The following FAM227B variants were observed in gnomAD, a reference collection of about 807,000 sequenced individuals.
The protein encoded by FAM227B is protein FAM227B.
In FAM227B, 88 loss-of-function variants were observed where a neutral mutation model predicts 73.8. That is an observed-to-expected ratio of 1.19 (90% CI 1.00 to 1.42). The LOEUF (loss-of-function observed/expected upper bound fraction) is 1.42, where lower values mean the gene tolerates loss of function less well. FAM227B is among the 40% of genes most tolerant of loss of function. FAM227B has a pLI of 0.00. For synonymous variants in FAM227B, 210 were observed against 190.5 expected, an observed-to-expected ratio of 1.10 and a Z score of -0.84; for missense variants, 632 against 590.9, an observed-to-expected ratio of 1.07 and a Z score of -0.72.
chr15:49,617,247 A>G lies in FAM227B; in HGVS notation c.-72-2004T>C, dbSNP rs186508453. On this transcript the variant is annotated intron_variant, in intron 1 of 15. Coordinates refer to ENST00000299338, the MANE Select transcript of FAM227B (RefSeq NM_152647.3). ...ATATTTTTAAAAAATGGAAATCCAA[A>G]CAAGTGACTAAAAATAAAATCTAGG... Among the ~76,000 whole-genome samples the G allele has an allele frequency of 5.8e-3, 890 of 152,324 alleles. 5 individuals carry two copies. The highest frequency in any genetic ancestry group is 6.9e-3 in the Non-Finnish European group (468 of 68,016).
At chr15:49,458,317 T>G (rs916810053) in intron 11 of FAM227B, among the ~76,000 whole-genome samples, 4 of 152,068 alleles carry the variant, frequency 2.6e-5, no homozygotes, top group African/African-American at 9.7e-5. Flanking sequence ...ATTTAAATAG[T>G]CATAATCCAC....
At chr15:49,590,347 A>G (rs1450683085) in intron 3 of FAM227B, among the ~76,000 whole-genome samples, 1 of 152,176 alleles carries the variant, frequency 6.6e-6, no homozygotes, top group Non-Finnish European at 1.5e-5. Flanking sequence ...ATTTAATACA[A>G]AGACTCTATT....
In FAM227B at chr15:49,587,320, G is replaced by A. The variant is rs149922152; in HGVS notation, c.405+696C>T. 2.6e-3 allele frequency among the ~76,000 whole-genome samples: 397 copies of A among 152,122 alleles called. 1 individual carries two copies. The highest frequency in any genetic ancestry group is 6.8e-3 in the Middle Eastern group (2 of 294). ...TCATAGAGGAGAACAACAGACACTG[G>A]GGCCTATTGAAGGGTGGATGGCAGG... is the stretch of plus-strand genomic sequence containing the variant. On this transcript the variant is annotated intron_variant, in intron 5 of 15. Coordinates refer to ENST00000299338, the MANE Select transcript of FAM227B (RefSeq NM_152647.3).
intron 11 of FAM227B, chr15:49,424,245 T>A: frequency 6.6e-7 from 1 of 1,515,846 alleles, no homozygotes; most frequent in Non-Finnish European, 9.1e-7. Flanking sequence ...AACAATCAAC[T>A]CAAGATTCAT....
rs200096750 is a variant in FAM227B at position 49,576,738 on chromosome 15, T to C, written c.546+3A>G. On this transcript the variant is annotated splice_donor_region_variant and intron_variant, in intron 7 of 15. Transcript: ENST00000299338. ...CCTACAATAAAATGAAATATTTACA[T>C]ACATCAAAATTATGGGCTTTTAAAA... 1.7e-5 allele frequency: 25 copies of C among 1,461,964 alleles called. No homozygotes were observed. The highest frequency in any genetic ancestry group is 2.3e-5 in the Non-Finnish European group (24 of 1,043,398). The allele number at this position is 1,461,964 out of a possible 1,614,324, so 90.6% of individuals were successfully genotyped here.
At chr15:49,461,630 A>G (rs1237919814) in intron 11 of FAM227B, among the ~76,000 whole-genome samples, 8 of 152,250 alleles carry the variant, frequency 5.3e-5, no homozygotes, top group African/African-American at 1.9e-4. Flanking sequence ...TAAGTTGTAC[A>G]CTATGTATTC....
At chr15:49,368,979 T>G (rs1359233674) in intron 12 of FAM227B, among the ~76,000 whole-genome samples, 1 of 152,176 alleles carries the variant, frequency 6.6e-6, no homozygotes, top group Admixed American at 6.5e-5. Context: ...TTGTTTGTTT[T>G]TATTTTTTTG....
intron 14 of FAM227B, among the ~76,000 whole-genome samples, chr15:49,332,092 CA>C (rs2151151121): frequency 9.1e-6 from 1 of 109,390 alleles, no homozygotes; most frequent in Admixed American, 8.5e-5. Context: ...ACGTGCCACA[CA>C]CACACACACA....
At chr15:49,555,702 T>A (rs922413090) in intron 9 of FAM227B, among the ~76,000 whole-genome samples, 1 of 152,254 alleles carries the variant, frequency 6.6e-6, no homozygotes, top group African/African-American at 2.4e-5. Flanking sequence ...TTTGGTCTCT[T>A]TACATAATCC....
At chr15:49,577,598 T>C (rs772429101) in intron 6 of FAM227B, 31 bp downstream of exon 6, 16 of 1,409,644 alleles carry the variant, frequency 1.1e-5, no homozygotes, top group African/African-American at 2.9e-5. Flanking sequence ...ACACTTGATA[T>C]ACAATCTGGC....
intron 11 of FAM227B, among the ~76,000 whole-genome samples, chr15:49,374,823 C>T (rs1004095502): frequency 1.2e-4 from 18 of 152,212 alleles, no homozygotes; most frequent in Non-Finnish European, 2.5e-4. Flanking sequence ...GGATTACAGG[C>T]GTGAGCCACC....
At chr15:49,431,711 AAG>A (rs1330183995) in intron 11 of FAM227B, among the ~76,000 whole-genome samples, 2 of 151,752 alleles carry the variant, frequency 1.3e-5, no homozygotes, top group Non-Finnish European at 2.9e-5. Flanking sequence ...CAGGAGGAAA[AAG>A]AGCAAAAGAG....
At chr15:49,570,896 A>G (rs1361828537) in intron 8 of FAM227B, among the ~76,000 whole-genome samples, 2 of 147,620 alleles carry the variant, frequency 1.4e-5, no homozygotes, top group East Asian at 3.9e-4. Context: ...ATTTATTAAT[A>G]TTATTATGAA....
rs958037761 is a variant in FAM227B at position 49,366,695 on chromosome 15, G to T, written c.1271+753C>A. 2.5e-4 allele frequency: 358 copies of T among 1,428,788 alleles called. 3 individuals are homozygous for T. Among genetic ancestry groups the T allele is most frequent in the Non-Finnish European group, 3.1e-4 (322 of 1,024,782 alleles). The allele number at this position is 1,428,788 out of a possible 1,614,324, so 88.5% of individuals were successfully genotyped here. On this transcript the variant is annotated intron_variant, in intron 13 of 15. Coordinates refer to ENST00000299338, the MANE Select transcript of FAM227B (RefSeq NM_152647.3). ...CCGCTGCGGCCCCATCGGACTGGTG[G>T]GTGGCGGGTGGGGTGGCGCGGCGCG...
At chr15:49,603,250 C>T (rs992627938) in intron 3 of FAM227B, among the ~76,000 whole-genome samples, 1 of 152,130 alleles carries the variant, frequency 6.6e-6, no homozygotes, top group Admixed American at 6.5e-5. Flanking sequence ...GACATTTTAA[C>T]AATATTGATT....
At chr15:49,600,753 T>C (rs924792917) in intron 3 of FAM227B, among the ~76,000 whole-genome samples, 1 of 151,926 alleles carries the variant, frequency 6.6e-6, no homozygotes, top group Middle Eastern at 3.2e-3. Flanking sequence ...AATAATTTAC[T>C]ACTGCCAGGC....
intron 1 of FAM227B, among the ~76,000 whole-genome samples, chr15:49,617,418 A>G (rs1365966213): frequency 6.6e-6 from 1 of 152,218 alleles, no homozygotes; most frequent in Non-Finnish European, 1.5e-5. Flanking sequence ...AAGTACAAAT[A>G]TGATATAAAT....
At chr15:49,465,095 T>C (rs1010423731) in intron 11 of FAM227B, among the ~76,000 whole-genome samples, 12 of 152,118 alleles carry the variant, frequency 7.9e-5, no homozygotes, top group Non-Finnish European at 1.5e-4. Flanking sequence ...GGATAACTCA[T>C]GAAATATTAG....
chr15:49,528,533 A>C (rs2060375694), intron 10 of FAM227B, among the ~76,000 whole-genome samples: 1 of 151,934 alleles, frequency 6.6e-6, no homozygotes, highest in Admixed American at 6.6e-5. Context: ...GCACAGCAAA[A>C]GAAATAATAA....
Sources: gnomAD v4.1 joint callset for allele counts (sites outside exome capture counted in the v4.1 genomes callset) on GRCh38, gnomAD v4.1.1 for gene constraint, MANE v1.5 for transcripts, NCBI Gene and HGNC (gene_info 2026-07-23, HGNC 2026-07-21) for gene names.